The following FAM114A1 variants were observed in gnomAD, a reference collection of about 807,000 sequenced individuals.
The protein encoded by FAM114A1 is family with sequence similarity 114 member A1, also known as protein NOXP20.
A neutral mutation model predicts 64.3 loss-of-function variants in FAM114A1; 62 were observed. The observed-to-expected ratio is 0.96, with a 90% CI of 0.79 to 1.19. The LOEUF (loss-of-function observed/expected upper bound fraction) is 1.19, where lower values mean the gene tolerates loss of function less well. Ranked by LOEUF, FAM114A1 falls within the 50% of genes most tolerant of loss-of-function variation. The pLI is 0.00. For synonymous variants in FAM114A1, 254 were observed against 251.1 expected (o/e 1.01, Z -0.11); for missense variants, 645 against 676.3 (o/e 0.95, Z 0.51).
intron 7 of FAM114A1, among the ~76,000 whole-genome samples, chr4:38,911,020 G>T (rs1487992955): frequency 2.0e-5 from 3 of 152,204 alleles, no homozygotes; most frequent in Non-Finnish European, 4.4e-5. Flanking sequence ...TAGAAAATTG[G>T]CTGGGAGGAC....
chr4:38,943,170 C>T (rs1721701467), intron 14 of FAM114A1, among the ~76,000 whole-genome samples: 1 of 139,042 alleles, frequency 7.2e-6, no homozygotes, highest in South Asian at 2.3e-4. Context: ...TCCAGCCTGA[C>T]GTCAGAGCAA....
intron 13 of FAM114A1, among the ~76,000 whole-genome samples, chr4:38,936,803 G>A (rs550338802): frequency 6.8e-4 from 104 of 152,082 alleles, no homozygotes; most frequent in Middle Eastern, 3.4e-3. Flanking sequence ...CACCGGCCTC[G>A]GCCTCCCAAA....
At chr4:38,918,539 T>A (rs1719288635) in intron 8 of FAM114A1, among the ~76,000 whole-genome samples, 4 of 152,240 alleles carry the variant, frequency 2.6e-5, no homozygotes. Flanking sequence ...TATAAATGTG[T>A]CCCATGCAAT....
At chr4:38,872,295 A>C (rs915797675) in intron 2 of FAM114A1, among the ~76,000 whole-genome samples, 2 of 152,212 alleles carry the variant, frequency 1.3e-5, no homozygotes, top group African/African-American at 4.8e-5. Context: ...AGTAACATGC[A>C]CGTGTCACAT....
At chr4:38,924,526 G>A (rs1253913365) in intron 9 of FAM114A1, among the ~76,000 whole-genome samples, 5 of 152,118 alleles carry the variant, frequency 3.3e-5, no homozygotes. Flanking sequence ...CTGTCATTTA[G>A]ACACCCTTTC....
chr4:38,880,703 A>G (rs1179543743), intron 3 of FAM114A1, among the ~76,000 whole-genome samples: 1 of 152,156 alleles, frequency 6.6e-6, no homozygotes, highest in Non-Finnish European at 1.5e-5. Flanking sequence ...ATGGTTCCCA[A>G]TTTTCATCCT....
Position 38,878,287 on chromosome 4 carries a change from T to A in FAM114A1, c.209T>A (p.Val70Glu). 6.2e-7 allele frequency: 1 copy of A among 1,614,236 alleles called. No homozygotes were observed. The highest frequency in any genetic ancestry group is 8.5e-7 in the Non-Finnish European group (1 of 1,180,032). The change falls in exon 3 of 15, where the codon GTG becomes GAG. Residue 70 changes from valine to glutamate, a missense_variant. Val to Glu is a moderately radical substitution (Grantham distance 121). Transcript: ENST00000358869. ...GAGAAAIGPP[V>E]QPQDANALEP... ...GGGGCTGCCGCCATTGGGCCCCCTG[T>A]GCAGCCTCAGGATGCCAACGCCCTG... is the stretch of plus-strand genomic sequence containing the variant.
chr4:38,879,250 T>C (rs1311225435), intron 3 of FAM114A1, among the ~76,000 whole-genome samples: 1 of 152,048 alleles, frequency 6.6e-6, no homozygotes, highest in Non-Finnish European at 1.5e-5. Flanking sequence ...GAGGGAGGAA[T>C]TGGGGTCTTC....
intron 8 of FAM114A1, among the ~76,000 whole-genome samples, chr4:38,920,200 C>T (rs548201813): frequency 6.2e-4 from 94 of 150,742 alleles, no homozygotes; most frequent in African/African-American, 2.2e-3. Flanking sequence ...GAATGAGACC[C>T]GTCTCAAAAA....
rs1425525851 is a variant in FAM114A1 at position 38,878,095 on chromosome 4, G to C, written c.17G>C (p.Gly6Ala). 3.1e-6 allele frequency: 5 copies of C among 1,609,296 alleles called. No homozygotes were observed. The highest frequency in any genetic ancestry group is 4.2e-6 in the Non-Finnish European group (5 of 1,176,806). ...GATACTAAAATGTCTGATGATGCTG[G>C]TGACACCTTAGCCACTGGAGACAAA... MSDDAGDTLATGDKAE... is the reference protein window; with the variant it reads MSDDAADTLATGDKAE... The change falls in exon 3 of 15, where the codon GGT becomes GCT. Residue 6 changes from glycine to alanine, a missense_variant. Coordinates refer to ENST00000358869, the MANE Select transcript of FAM114A1 (RefSeq NM_138389.4).
chr4:38,884,278 C>G (rs998555943), intron 3 of FAM114A1, among the ~76,000 whole-genome samples: 5 of 152,218 alleles, frequency 3.3e-5, no homozygotes, highest in African/African-American at 1.2e-4. Flanking sequence ...CGCAAGCCAC[C>G]GCACCGGCCT....
intron 13 of FAM114A1, among the ~76,000 whole-genome samples, chr4:38,940,386 A>G (rs1455199689): frequency 1.3e-5 from 2 of 152,172 alleles, no homozygotes; most frequent in Admixed American, 6.6e-5. Context: ...AAGAAAGAAA[A>G]AAAAAGGGGT....
intron 2 of FAM114A1, among the ~76,000 whole-genome samples, chr4:38,876,504 T>C (rs200705190): frequency 6.6e-6 from 1 of 152,142 alleles, no homozygotes; most frequent in East Asian, 1.9e-4. Flanking sequence ...GCTACAAATA[T>C]AATTAATAAA....
At chr4:38,937,336 C>G (rs1560336285) in intron 13 of FAM114A1, among the ~76,000 whole-genome samples, 1 of 152,116 alleles carries the variant, frequency 6.6e-6, no homozygotes. Flanking sequence ...TTCTGGTAGC[C>G]CCAAGTGTTC....
At position 38,905,792 on chromosome 4, in the gene FAM114A1, C is replaced by T; in HGVS notation, c.588C>T (p.Ser196=). The change falls in exon 6 of 15, where the codon AGC becomes AGT. Residue 196 remains serine, a synonymous_variant. Transcript: ENST00000358869. The stretch of plus-strand genomic sequence containing the variant: ...CCACAGATCAGGGCCCTGCAGAAAG[C>T]CCACCCACTTCCCCTTCATCAGCCT... ...DAATDQGPAE[S]PPTSPSSASR... is the part of the protein sequence containing the mutation. The T allele has an allele frequency of 1.2e-6, 2 of 1,614,020 alleles. No individual in the cohort carries two copies. Among genetic ancestry groups the T allele is most frequent in the Non-Finnish European group, 1.7e-6 (2 of 1,180,000 alleles).
chr4:38,938,934 T>A lies in FAM114A1; in HGVS notation c.1537-2034T>A, dbSNP rs565016216. ...ATCTTAATTTACCTACTAGTATTCA[T>A]GGTATTGCTTTCCATTCCTTCTGCA... On this transcript the variant is annotated intron_variant, in intron 13 of 14. Transcript: ENST00000358869. Among the ~76,000 whole-genome samples the A allele has an allele frequency of 2.0e-5, 3 of 152,354 alleles. No homozygotes were observed. In the East Asian group the frequency reaches 5.8e-4, roughly 29 times the overall value.
At chr4:38,873,706 A>C (rs966049532) in intron 2 of FAM114A1, among the ~76,000 whole-genome samples, 4 of 152,200 alleles carry the variant, frequency 2.6e-5, no homozygotes, top group Non-Finnish European at 5.9e-5. Flanking sequence ...ACAGCCCCCG[A>C]GGGTCTCTTG....
intron 10 of FAM114A1, 56 bp downstream of exon 10, chr4:38,929,389 T>C: frequency 6.1e-6 from 8 of 1,306,544 alleles, no homozygotes; most frequent in African/African-American, 1.5e-5. Context: ...CAGGGGAGAG[T>C]CTCTGTTGTA....
chr4:38,908,485 A>G (rs1718226902), intron 6 of FAM114A1, 107 bp from the exon 7 acceptor site: 1 of 1,112,102 alleles, frequency 9.0e-7, no homozygotes, highest in Non-Finnish European at 1.2e-6. Flanking sequence ...TTGTGACTTT[A>G]TATTGATTTT....
Sources: gnomAD v4.1 joint callset for allele counts (sites outside exome capture counted in the v4.1 genomes callset) on GRCh38, gnomAD v4.1.1 for gene constraint, MANE v1.5 for transcripts, NCBI Gene and HGNC (gene_info 2026-07-23, HGNC 2026-07-21) for gene names.